Variants in HIP1 observed in about 807,000 individuals in gnomAD.
HIP1 encodes huntingtin-interacting protein 1.
A neutral mutation model predicts 147.6 loss-of-function variants in HIP1; 65 were observed. The ratio of observed to expected loss-of-function variants is 0.44; its 90% CI spans 0.36 to 0.54. The LOEUF is 0.54. HIP1 is among the 20% of genes least tolerant of loss of function. The pLI is 0.00. For missense variants in HIP1, 1,061 were observed against 1,299.6 expected, an observed-to-expected ratio of 0.82 and a Z score of 2.82; for synonymous variants, 479 against 504.0, an observed-to-expected ratio of 0.95 and a Z score of 0.67.
intron 1 of HIP1, among the ~76,000 whole-genome samples, chr7:75,648,260 T>C (rs1248123595): frequency 6.6e-6 from 1 of 150,858 alleles, no homozygotes; most frequent in Non-Finnish European, 1.5e-5. Context: ...CTGGTTGGAG[T>C]AGTTGGGGCT....
chr7:75,706,040 C>T (rs760807157), intron 1 of HIP1, among the ~76,000 whole-genome samples: 1 of 151,976 alleles, frequency 6.6e-6, no homozygotes, highest in Non-Finnish European at 1.5e-5. Flanking sequence ...ATTACAGGTG[C>T]CTGCCACCGT....
At position 75,556,315 on chromosome 7, in the gene HIP1, C is replaced by T. The variant is rs868969853; in HGVS notation, c.1684-146G>A. The T allele has an allele frequency of 4.6e-5, 48 of 1,039,856 alleles. 1 individual carries two copies. The Middle Eastern group carries it at 8.5e-3, about 185-fold the overall frequency. The allele number at this position is 1,039,856 out of a possible 1,614,324, so 64.4% of individuals were successfully genotyped here. On this transcript the variant is annotated intron_variant, in intron 17 of 30. Coordinates refer to ENST00000336926, the MANE Select transcript of HIP1 (RefSeq NM_005338.7). ...CCACTCTGATTCCCTCCCGGGGACA[C>T]ACTGATTGCAGTGGGGGCTGACTTG...
At chr7:75,596,717 C>G (rs923325797) in intron 2 of HIP1, among the ~76,000 whole-genome samples, 2 of 152,176 alleles carry the variant, frequency 1.3e-5, no homozygotes, top group African/African-American at 4.8e-5. Flanking sequence ...TTTGATTGAA[C>G]AGAAAGTGAC....
intron 1 of HIP1, among the ~76,000 whole-genome samples, chr7:75,667,666 G>T (rs1387414430): frequency 6.6e-6 from 1 of 152,102 alleles, no homozygotes; most frequent in Non-Finnish European, 1.5e-5. Context: ...AAAATTTTGT[G>T]AGTGTGTAGA....
chr7:75,549,133 T>TG (rs3214799), intron 22 of HIP1, 132 bp from the exon 23 acceptor site: 9 of 618,652 alleles, frequency 1.5e-5, no homozygotes, highest in East Asian at 8.2e-5. Flanking sequence ...ACAGGGGTTG[T>TG]GGGGGGGTCT....
intron 9 of HIP1, among the ~76,000 whole-genome samples, chr7:75,564,447 A>T (rs1286119549): frequency 6.6e-6 from 1 of 152,072 alleles, no homozygotes; most frequent in East Asian, 1.9e-4. Flanking sequence ...AGCATGTGCC[A>T]TCATGCCTGG....
chr7:75,636,815 C>T (rs1334409908), intron 1 of HIP1, among the ~76,000 whole-genome samples: 1 of 152,230 alleles, frequency 6.6e-6, no homozygotes, highest in South Asian at 2.1e-4. Flanking sequence ...CCAGTGCTTA[C>T]GGGCCAGGGT....
rs782063790 is a variant in HIP1 at position 75,563,019 on chromosome 7, C to T, written c.936G>A (p.Val312=). 6.2e-7 allele frequency: 1 copy of T among 1,614,184 alleles called. No individual in the cohort carries two copies. Among genetic ancestry groups the T allele is most frequent in the Non-Finnish European group, 8.5e-7 (1 of 1,180,034 alleles). The part of the protein sequence containing the change: ...SALSEHISPV[V]VIPAEASSPD... The stretch of plus-strand genomic sequence containing the variant: ...GGGATGAGGCCTCTGCAGGGATCAC[C>T]ACCACAGGGCTGATATGTTCTGACA... The change falls in exon 11 of 31, where the codon GTG becomes GTA. Residue 312 remains valine (V), a synonymous_variant. Coordinates refer to ENST00000336926, the MANE Select transcript of HIP1 (RefSeq NM_005338.7).
At chr7:75,621,131 C>G (rs1367753828) in intron 1 of HIP1, among the ~76,000 whole-genome samples, 2 of 152,002 alleles carry the variant, frequency 1.3e-5, no homozygotes, top group Non-Finnish European at 2.9e-5. Context: ...GGCTTGAGCC[C>G]AGGAGTTTGA....
intron 1 of HIP1, among the ~76,000 whole-genome samples, chr7:75,686,507 G>A (rs1169979410): frequency 6.6e-6 from 1 of 152,160 alleles, no homozygotes; most frequent in East Asian, 1.9e-4. Flanking sequence ...GGTTCCCATG[G>A]AAGCAGACTC....
rs1377438668 is a variant in HIP1, at chr7:75,534,634, A to G, written c.*3538T>C. ...TTTTTAGTAGAGACGGGGTTTCACC[A>G]TGTTGGCCAGGCTAGTCTTGAACTC... On this transcript the variant is annotated 3_prime_UTR_variant, in exon 31 of 31. Transcript: ENST00000336926. 1 of 175,524 alleles carries G rather than the reference A, an allele frequency of 5.7e-6. No homozygotes were observed. Among genetic ancestry groups the G allele is most frequent in the Non-Finnish European group, 1.2e-5 (1 of 81,466 alleles). The allele number at this position is 175,524 out of a possible 1,614,324, so 10.9% of individuals were successfully genotyped here.
chr7:75,540,154 A>G (rs1189503752), intron 29 of HIP1, among the ~76,000 whole-genome samples: 2 of 152,166 alleles, frequency 1.3e-5, no homozygotes, highest in African/African-American at 4.8e-5. Context: ...CTGGCCGGGC[A>G]TGGTGGCTTA....
intron 1 of HIP1, among the ~76,000 whole-genome samples, chr7:75,664,302 ATGTATG>A (rs1799466613): frequency 8.7e-6 from 1 of 114,432 alleles, no homozygotes; most frequent in South Asian, 2.8e-4. Flanking sequence ...GTATGTATAT[ATGTATG>A]TATATGTATA....
At chr7:75,550,622 C>T (rs1794745938) in intron 22 of HIP1, among the ~76,000 whole-genome samples, 1 of 152,024 alleles carries the variant, frequency 6.6e-6, no homozygotes, top group South Asian at 2.1e-4. Context: ...CTTTGTAGCC[C>T]AGGCTGTATC....
At chr7:75,667,231 A>G (rs1430728293) in intron 1 of HIP1, among the ~76,000 whole-genome samples, 1 of 152,186 alleles carries the variant, frequency 6.6e-6, no homozygotes. Flanking sequence ...CCCTGGCAAC[A>G]TACCCTGAGA....
intron 1 of HIP1, among the ~76,000 whole-genome samples, chr7:75,690,041 G>A (rs1243432466): frequency 4.6e-5 from 7 of 152,146 alleles, no homozygotes; most frequent in African/African-American, 1.2e-4. Flanking sequence ...AGGCTGAGGC[G>A]GCGGGGGATC....
intron 7 of HIP1, among the ~76,000 whole-genome samples, chr7:75,580,402 G>C (rs1174502122): frequency 6.6e-6 from 1 of 152,092 alleles, no homozygotes; most frequent in Admixed American, 6.6e-5. Context: ...GGAAGGGGCA[G>C]TGTGTGGTCT....
chr7:75,737,125 T>C (rs903310848), intron 1 of HIP1, among the ~76,000 whole-genome samples: 10 of 152,030 alleles, frequency 6.6e-5, no homozygotes, highest in South Asian at 2.1e-4. Context: ...GGGATCTCAG[T>C]GTGTTGTCTA....
intron 1 of HIP1, among the ~76,000 whole-genome samples, chr7:75,631,015 G>A (rs1798195251): frequency 6.6e-6 from 1 of 152,156 alleles, no homozygotes; most frequent in South Asian, 2.1e-4. Context: ...GTGCAGTGGT[G>A]CAATCACATC....
Sources: gnomAD v4.1 joint callset for allele counts (sites outside exome capture counted in the v4.1 genomes callset) on GRCh38, gnomAD v4.1.1 for gene constraint, MANE v1.5 for transcripts, NCBI Gene and HGNC (gene_info 2026-07-23, HGNC 2026-07-21) for gene names.